CSMD1: variants seen among roughly 807,000 people sequenced by gnomAD.
CSMD1 encodes the protein CUB and sushi domain-containing protein 1.
In CSMD1, 213 loss-of-function variants were observed where a neutral mutation model predicts 417.5. The ratio of observed to expected loss-of-function variants is 0.51; its 90% CI spans 0.46 to 0.57. The LOEUF is 0.57. Among genes scored for constraint, CSMD1 ranks in the 20% least tolerant of loss-of-function variants. The probability of loss-of-function intolerance (pLI) is 0.00; values close to 1 mark genes in which losing one functional copy is unlikely to be tolerated. For missense variants in CSMD1, 6,923 were observed against 4,529.7 expected, an observed-to-expected ratio of 1.53 and a Z score of -15.17; for synonymous variants, 2,862 against 1,736.8, an observed-to-expected ratio of 1.65 and a Z score of -16.11.
At chr8:3,402,282 G>A (rs1166547366) in intron 15 of CSMD1, among the ~76,000 whole-genome samples, 1 of 151,664 alleles carries the variant, frequency 6.6e-6, no homozygotes, top group Admixed American at 6.6e-5. Context: ...TCTTTTCTAT[G>A]CTACTTTACG....
chr8:3,685,278 C>T (rs951409370), intron 7 of CSMD1, among the ~76,000 whole-genome samples: 2 of 152,116 alleles, frequency 1.3e-5, no homozygotes, highest in East Asian at 1.9e-4. Flanking sequence ...GTACCCATTA[C>T]GTTGAGTTTA....
chr8:3,305,786 T>G (rs1228099645), intron 25 of CSMD1, among the ~76,000 whole-genome samples: 2 of 152,126 alleles, frequency 1.3e-5, no homozygotes, highest in African/African-American at 4.8e-5. Flanking sequence ...TTCACACCAT[T>G]CTCCTGCCTC....
At chr8:3,021,499 A>G (rs1415532570) in intron 51 of CSMD1, among the ~76,000 whole-genome samples, 1 of 152,234 alleles carries the variant, frequency 6.6e-6, no homozygotes, top group Non-Finnish European at 1.5e-5. Flanking sequence ...GTTTCTAAAA[A>G]TGAATTGCTT....
At chr8:4,328,222 A>G (rs1031663399) in intron 3 of CSMD1, among the ~76,000 whole-genome samples, 1 of 149,706 alleles carries the variant, frequency 6.7e-6, no homozygotes, top group Non-Finnish European at 1.5e-5. Context: ...TACACACCCA[A>G]TTACATTGCA....
chr8:3,460,617 C>G (rs1421665090), intron 12 of CSMD1, among the ~76,000 whole-genome samples: 1 of 152,156 alleles, frequency 6.6e-6, no homozygotes, highest in Non-Finnish European at 1.5e-5. Context: ...TGAAGATAAA[C>G]AGGAGGGATG....
intron 12 of CSMD1, among the ~76,000 whole-genome samples, chr8:3,454,918 G>C (rs960936313): frequency 6.6e-6 from 1 of 152,118 alleles, no homozygotes; most frequent in East Asian, 1.9e-4. Context: ...TTCCAACTTG[G>C]TTCCATTCTC....
At chr8:3,202,039 A>C (rs1357274296) in intron 31 of CSMD1, among the ~76,000 whole-genome samples, 1 of 152,168 alleles carries the variant, frequency 6.6e-6, no homozygotes, top group African/African-American at 2.4e-5. Flanking sequence ...GTGGTGGCTC[A>C]CGCCTGTAAT....
At chr8:4,445,214 T>A (rs1695737208) in intron 2 of CSMD1, among the ~76,000 whole-genome samples, 1 of 152,148 alleles carries the variant, frequency 6.6e-6, no homozygotes, top group Admixed American at 6.5e-5. Flanking sequence ...AAGACTACTT[T>A]CTTCATTGTT....
At chr8:3,947,945 C>A (rs954849649) in intron 5 of CSMD1, among the ~76,000 whole-genome samples, 1 of 152,176 alleles carries the variant, frequency 6.6e-6, no homozygotes, top group Non-Finnish European at 1.5e-5. Context: ...GCGTCTCATG[C>A]CTGTAATCCC....
intron 1 of CSMD1, among the ~76,000 whole-genome samples, chr8:4,660,653 C>G (rs1804536216): frequency 6.6e-6 from 1 of 150,500 alleles, no homozygotes; most frequent in South Asian, 2.1e-4. Flanking sequence ...AAAACATTTC[C>G]TCTTTGAAAA....
chr8:3,708,367 G>A (rs764730604), intron 7 of CSMD1, 47 bp downstream of exon 7: 4 of 1,520,848 alleles, frequency 2.6e-6, no homozygotes, highest in Non-Finnish European at 3.7e-6. Flanking sequence ...TCTCTCCTCT[G>A]CTTACAAGGG....
At chr8:3,396,738 C>T (rs1233183905) in intron 16 of CSMD1, among the ~76,000 whole-genome samples, 1 of 151,934 alleles carries the variant, frequency 6.6e-6, no homozygotes, top group Non-Finnish European at 1.5e-5. Flanking sequence ...ATAGAAAAAA[C>T]TCAATTATAT....
chr8:4,493,840 G>T (rs1585162787), intron 2 of CSMD1, among the ~76,000 whole-genome samples: 1 of 152,208 alleles, frequency 6.6e-6, no homozygotes, highest in East Asian at 1.9e-4. Flanking sequence ...GCAGGACACA[G>T]TTTTTATTTA....
At chr8:4,167,896 G>T (rs1364140225) in intron 3 of CSMD1, among the ~76,000 whole-genome samples, 1 of 152,064 alleles carries the variant, frequency 6.6e-6, no homozygotes, top group Non-Finnish European at 1.5e-5. Context: ...GGGAGGCTGA[G>T]GCAGGCGGAC....
chr8:3,941,977 G>C (rs1427476491), intron 5 of CSMD1, among the ~76,000 whole-genome samples: 1 of 151,986 alleles, frequency 6.6e-6, no homozygotes, highest in African/African-American at 2.4e-5. Flanking sequence ...CCCATTGCTG[G>C]CATTACCACC....
At chr8:4,638,942 G>A (rs1255825102) in intron 1 of CSMD1, among the ~76,000 whole-genome samples, 2 of 152,134 alleles carry the variant, frequency 1.3e-5, no homozygotes, top group East Asian at 3.9e-4. Flanking sequence ...GGAGTAGTTT[G>A]AAAGAATAGA....
intron 7 of CSMD1, among the ~76,000 whole-genome samples, chr8:3,628,637 C>T (rs1796610764): frequency 6.6e-6 from 1 of 151,972 alleles, no homozygotes; most frequent in African/African-American, 2.4e-5. Flanking sequence ...AGGCAGCTCC[C>T]GCAGAGGGGA....
At chr8:3,352,667 C>T (rs1046930375) in intron 21 of CSMD1, among the ~76,000 whole-genome samples, 4 of 152,090 alleles carry the variant, frequency 2.6e-5, no homozygotes, top group East Asian at 3.9e-4. Flanking sequence ...TGGTGAAACC[C>T]TATCTCTATT....
At chr8:3,738,059 C>T (rs1251165944) in intron 6 of CSMD1, among the ~76,000 whole-genome samples, 1 of 152,176 alleles carries the variant, frequency 6.6e-6, no homozygotes, top group African/African-American at 2.4e-5. Flanking sequence ...GTTTCAAACA[C>T]TAATGTAAAT....
Sources: allele counts gnomAD v4.1 joint callset (sites outside exome capture counted in the v4.1 genomes callset), GRCh38; gene constraint gnomAD v4.1.1; transcripts MANE v1.5; gene names NCBI Gene and HGNC (gene_info 2026-07-23, HGNC 2026-07-21).